Variants in SPOCD1 observed in about 807,000 individuals in gnomAD.
SPOCD1 encodes SPOC domain containing 1, also known as SPOC domain-containing protein 1.
SPOCD1 carries 64 observed loss-of-function variants against 92.2 expected under a neutral mutation model. The observed-to-expected ratio is 0.69, with a 90% CI of 0.57 to 0.86. The LOEUF (loss-of-function observed/expected upper bound fraction) is 0.86, where lower values mean the gene tolerates loss of function less well. Ranked by LOEUF, SPOCD1 falls within the 40% of genes least tolerant of loss-of-function variation. SPOCD1 has a pLI of 0.00. For synonymous variants in SPOCD1, 578 were observed against 619.3 expected (o/e 0.93, Z 0.99); for missense variants, 1,360 against 1,543.1 (o/e 0.88, Z 1.99).
At chr1:31,806,932 C>T (rs1166929745) in intron 2 of SPOCD1, among the ~76,000 whole-genome samples, 1 of 152,114 alleles carries the variant, frequency 6.6e-6, no homozygotes, top group African/African-American at 2.4e-5. Flanking sequence ...ACTTACAGTA[C>T]ATCTCAATTT....
chr1:31,810,187 C>T (rs1649107844), intron 2 of SPOCD1, among the ~76,000 whole-genome samples: 1 of 152,016 alleles, frequency 6.6e-6, no homozygotes, highest in Admixed American at 6.6e-5. Flanking sequence ...TGGACGAGCC[C>T]CCTCCTTGTT....
intron 2 of SPOCD1, among the ~76,000 whole-genome samples, chr1:31,804,227 G>A (rs1193414231): frequency 6.6e-6 from 1 of 152,146 alleles, no homozygotes; most frequent in Non-Finnish European, 1.5e-5. Flanking sequence ...TGAGGTACTG[G>A]TACTGTTATC....
At chr1:31,810,107 C>T (rs1649103187) in intron 2 of SPOCD1, among the ~76,000 whole-genome samples, 1 of 152,112 alleles carries the variant, frequency 6.6e-6, no homozygotes, top group Middle Eastern at 3.2e-3. Context: ...ATCCACAGTC[C>T]ACTGGGCTTC....
At chr1:31,800,699 T>C (rs1648403929) in intron 3 of SPOCD1, 82 bp from the exon 4 acceptor site, 7 of 1,225,260 alleles carry the variant, frequency 5.7e-6, no homozygotes, top group African/African-American at 1.5e-5. Flanking sequence ...TCTGTAATTG[T>C]TGAACATCTC....
At chr1:31,793,663 G>A (rs530161790) in intron 12 of SPOCD1, 84 bp downstream of exon 12, 3 of 1,606,166 alleles carry the variant, frequency 1.9e-6, no homozygotes, top group African/African-American at 1.3e-5. Context: ...CACAGGAAAA[G>A]CCAGTGCTAT....
chr1:31,811,911 G>A (rs1040012203), intron 2 of SPOCD1, among the ~76,000 whole-genome samples: 5 of 152,180 alleles, frequency 3.3e-5, no homozygotes, highest in Non-Finnish European at 5.9e-5. Context: ...CTCCACCACC[G>A]CACTCAAACC....
intron 2 of SPOCD1, among the ~76,000 whole-genome samples, chr1:31,806,311 AT>A (rs1313675316): frequency 2.6e-5 from 4 of 152,192 alleles, no homozygotes; most frequent in Non-Finnish European, 5.9e-5. Context: ...GAGAATACAT[AT>A]TATTTTCCAG....
chr1:31,813,677 C>T (rs77910163), intron 2 of SPOCD1, among the ~76,000 whole-genome samples: 5,314 of 152,156 alleles, frequency 0.035, 306 homozygotes, highest in African/African-American at 0.12. Context: ...GAAAACATCC[C>T]ACAGTCATTC....
intron 2 of SPOCD1, among the ~76,000 whole-genome samples, chr1:31,809,057 C>T (rs556644591): frequency 1.2e-4 from 18 of 152,010 alleles, no homozygotes; most frequent in Non-Finnish European, 2.1e-4. Context: ...GGCATGGTGG[C>T]GGGTACCTGT....
At chr1:31,810,298 T>C (rs1241188960) in intron 2 of SPOCD1, among the ~76,000 whole-genome samples, 2 of 152,046 alleles carry the variant, frequency 1.3e-5, no homozygotes, top group African/African-American at 2.4e-5. Context: ...AGTGAGTCAC[T>C]TAACTTCTCG....
chr1:31,804,408 A>G (rs1453121501), intron 2 of SPOCD1, among the ~76,000 whole-genome samples: 1 of 152,222 alleles, frequency 6.6e-6, no homozygotes, highest in Non-Finnish European at 1.5e-5. Context: ...TCACCAAAAT[A>G]CCTTTCATCT....
chr1:31,797,312 T>C (rs1648095671), intron 9 of SPOCD1, among the ~76,000 whole-genome samples: 1 of 152,228 alleles, frequency 6.6e-6, no homozygotes, highest in Non-Finnish European at 1.5e-5. Context: ...TCTGCTCCTC[T>C]CTGGTGGGAT....
chr1:31,794,258 G>A (rs887710387), intron 10 of SPOCD1, 23 bp from the exon 11 acceptor site: 3 of 1,588,596 alleles, frequency 1.9e-6, no homozygotes, highest in Admixed American at 3.4e-5. Context: ...AGACAGAGGG[G>A]CAGGCTGAAA....
Position 31,790,571 on chromosome 1 carries a change from A to T in SPOCD1, c.*32T>A. 6.5e-7 allele frequency: 1 copy of T among 1,543,330 alleles called. No individual in the cohort carries two copies. The highest frequency in any genetic ancestry group is 8.8e-7 in the Non-Finnish European group (1 of 1,140,688). ...AACAGGCTTCAACACTAGTGAGGGC[A>T]TCAAAACCCCTGTTCTGGTGGGTAA... On this transcript the variant is annotated 3_prime_UTR_variant, in exon 16 of 16. Coordinates refer to ENST00000360482, the MANE Select transcript of SPOCD1 (RefSeq NM_144569.7).
chr1:31,798,097 C>A lies in SPOCD1; in HGVS notation c.2145+110G>T. 1 of 815,920 alleles carries A rather than the reference C, an allele frequency of 1.2e-6. No homozygotes were observed. The highest frequency in any genetic ancestry group is 2.1e-6 in the Non-Finnish European group (1 of 477,456). The allele number at this position is 815,920 out of a possible 1,614,324, so 50.5% of individuals were successfully genotyped here. A position where few individuals can be genotyped will look rare whatever the true frequency, so the allele number is the denominator to read the frequency against. On this transcript the variant is annotated intron_variant, in intron 9 of 15. Transcript: ENST00000360482. This position sits in a 1 kb window ranked among gnomAD's most constrained non-coding sequence, Gnocchi z 4.1. ...TCTCTGTTTCCTTGTTTCTGTCTTT[C>A]TGAATTCCTCCTCCCTCCCTCCCTG...
intron 4 of SPOCD1, 63 bp downstream of exon 4, chr1:31,800,378 T>C: frequency 6.8e-7 from 1 of 1,478,414 alleles, no homozygotes; most frequent in Non-Finnish European, 9.1e-7. Flanking sequence ...CAGTGACATC[T>C]CTGTGAATCA....
At chr1:31,794,491 T>C (rs958467415) in intron 10 of SPOCD1, 1 of 267,546 alleles carries the variant, frequency 3.7e-6, no homozygotes, top group Non-Finnish European at 6.8e-6. Flanking sequence ...TTTTTCTTTT[T>C]TTTTCTTTTC....
rs1239688754 is a variant in SPOCD1 at position 31,798,764 on chromosome 1, G to A, written c.1869-163C>T. 2.9e-6 allele frequency: 2 copies of A among 679,010 alleles called. No individual in the cohort carries two copies. The highest frequency in any genetic ancestry group is 1.8e-5 in the African/African-American group (1 of 55,512). The allele number at this position is 679,010 out of a possible 1,614,324, so 42.1% of individuals were successfully genotyped here. A position where few individuals can be genotyped will look rare whatever the true frequency, so the allele number is the denominator to read the frequency against. On this transcript the variant is annotated intron_variant, in intron 7 of 15. Coordinates refer to ENST00000360482, the MANE Select transcript of SPOCD1 (RefSeq NM_144569.7). The surrounding 1 kb of genome is among the most constrained non-coding windows in gnomAD (Gnocchi z 4.1). Reference sequence around the variant, plus strand: ...ACTTATTCTCACCCCAACTCCGTGAGGAGGAAATAGGATCATTCTCCTTTT... The same window carrying A: ...ACTTATTCTCACCCCAACTCCGTGAAGAGGAAATAGGATCATTCTCCTTTT...
intron 2 of SPOCD1, among the ~76,000 whole-genome samples, chr1:31,807,690 CAT>C (rs912512456): frequency 2.6e-5 from 4 of 151,608 alleles, no homozygotes; most frequent in African/African-American, 7.3e-5. Context: ...TGACAACAAA[CAT>C]ATAGTGGAGA....
Sources: allele counts gnomAD v4.1 joint callset (sites outside exome capture counted in the v4.1 genomes callset), GRCh38; gene constraint gnomAD v4.1.1; non-coding constraint Gnocchi (gnomAD v3.1); transcripts MANE v1.5; gene names NCBI Gene and HGNC (gene_info 2026-07-23, HGNC 2026-07-21).